Variants in PIK3R3 observed in about 807,000 individuals in gnomAD.
PIK3R3 encodes phosphatidylinositol 3-kinase regulatory subunit gamma.
A neutral mutation model predicts 62.9 loss-of-function variants in PIK3R3; 64 were observed. The ratio of observed to expected loss-of-function variants is 1.02; its 90% CI spans 0.83 to 1.25. The LOEUF (loss-of-function observed/expected upper bound fraction) is 1.25. Ranked by LOEUF, PIK3R3 falls within the 50% of genes most tolerant of loss-of-function variation. The pLI is 0.00. For missense variants in PIK3R3, 614 were observed against 561.6 expected (o/e 1.09, Z -0.94); for synonymous variants, 165 against 189.0 (o/e 0.87, Z 1.04).
intron 5 of PIK3R3, among the ~76,000 whole-genome samples, chr1:46,065,620 A>C (rs966124462): frequency 2.6e-5 from 4 of 152,214 alleles, no homozygotes; most frequent in Admixed American, 2.0e-4. Flanking sequence ...AGTTGTCTTA[A>C]AGATAGAGAA....
chr1:46,120,996 C>T (rs1384613732), intron 1 of PIK3R3, among the ~76,000 whole-genome samples: 2 of 152,106 alleles, frequency 1.3e-5, no homozygotes, highest in Admixed American at 6.6e-5. Flanking sequence ...TGATATGATG[C>T]CTGGAATCAC....
In PIK3R3 at chr1:46,043,818, C is replaced by G; in HGVS notation, c.1241G>C (p.Gly414Ala). The G allele has an allele frequency of 6.2e-7, 1 of 1,614,070 alleles. No homozygotes were observed. The highest frequency in any genetic ancestry group is 8.5e-7 in the Non-Finnish European group (1 of 1,179,934). The stretch of plus-strand genomic sequence containing the variant: ...GTACAGGTTGTAGGGCTCTGCAAAG[C>G]CATAGCCCCGAGCAGTGCTGTAGAT... ...CVIYSTARGYGFAEPYNLYSS... is the reference protein window; with the variant it reads ...CVIYSTARGYAFAEPYNLYSS... The change falls in exon 10 of 10, where the codon GGC (glycine) becomes GCC (alanine). Residue 414 changes from glycine to alanine, a missense_variant. Coordinates refer to ENST00000262741, the MANE Select transcript of PIK3R3 (RefSeq NM_003629.4).
At chr1:46,162,713 C>T in the PIK3R3 span, among the ~76,000 whole-genome samples, 19 of 152,230 alleles carry the variant, frequency 1.2e-4, no homozygotes, top group Non-Finnish European at 2.1e-4. Flanking sequence ...CTTCCACCTC[C>T]GAGGTTCAAG....
At chr1:46,080,894 A>G (rs759003344) in intron 1 of PIK3R3, 144 bp from the exon 2 acceptor site, 3 of 584,266 alleles carry the variant, frequency 5.1e-6, no homozygotes, top group Admixed American at 3.0e-5. Context: ...AAATGTTAGC[A>G]ACAGAAGGAA....
chr1:46,172,533 T>A, the PIK3R3 span, among the ~76,000 whole-genome samples: 1 of 151,928 alleles, frequency 6.6e-6, no homozygotes, highest in Non-Finnish European at 1.5e-5. Context: ...ACAAAAAAAA[T>A]GTTTTAATTA....
intron 7 of PIK3R3, among the ~76,000 whole-genome samples, chr1:46,048,719 C>T (rs1647180939): frequency 6.6e-6 from 1 of 151,720 alleles, no homozygotes. Context: ...TAACACTTTC[C>T]TAATTGAAAA....
chr1:46,115,129 T>A (rs1654071087), intron 1 of PIK3R3, among the ~76,000 whole-genome samples: 1 of 152,080 alleles, frequency 6.6e-6, no homozygotes, highest in Admixed American at 6.6e-5. Context: ...AAGGCAGCCA[T>A]CTTGTACTAC....
At chr1:46,073,786 AT>A (rs35378730) in intron 3 of PIK3R3, among the ~76,000 whole-genome samples, 80,033 of 123,658 alleles carry the variant, frequency 0.65, 25,768 homozygotes, top group Non-Finnish European at 0.7. Flanking sequence ...CATTCAGTTA[AT>A]TTTTTTTTTT....
At chr1:46,144,583 C>T in the PIK3R3 span, among the ~76,000 whole-genome samples, 4 of 152,186 alleles carry the variant, frequency 2.6e-5, no homozygotes, top group Middle Eastern at 6.8e-3. Flanking sequence ...TCCTCGCCAT[C>T]GTGGTGAAAC....
chr1:46,161,132 C>T, the PIK3R3 span, among the ~76,000 whole-genome samples: 1 of 151,974 alleles, frequency 6.6e-6, no homozygotes, highest in African/African-American at 2.4e-5. Context: ...CAGGGTCTCA[C>T]TCTGTCACTC....
intron 1 of PIK3R3, among the ~76,000 whole-genome samples, chr1:46,096,518 T>A (rs905002015): frequency 1.3e-5 from 2 of 152,210 alleles, no homozygotes; most frequent in Admixed American, 1.3e-4. Context: ...TAAGCTAAAT[T>A]AAATTAGAAT....
intron 7 of PIK3R3, among the ~76,000 whole-genome samples, chr1:46,047,677 C>T (rs1484093311): frequency 6.6e-6 from 1 of 152,162 alleles, no homozygotes; most frequent in Non-Finnish European, 1.5e-5. Flanking sequence ...CCTAACTGTC[C>T]CAACTAAGGC....
At chr1:46,082,730 G>T (rs4660910) in intron 1 of PIK3R3, among the ~76,000 whole-genome samples, 69,627 of 151,850 alleles carry the variant, frequency 0.46, 16,088 homozygotes, top group East Asian at 0.62. Context: ...AAGCAATCTT[G>T]GGGGGAAGGA....
At chr1:46,136,926 G>T (rs1483314827), upstream of PIK3R3, among the ~76,000 whole-genome samples, 1 of 152,136 alleles carries the variant, frequency 6.6e-6, no homozygotes. Flanking sequence ...GATCCAAATG[G>T]CAGGAACAAT....
chr1:46,115,876 C>T (rs372039341), intron 1 of PIK3R3, among the ~76,000 whole-genome samples: 2 of 152,032 alleles, frequency 1.3e-5, no homozygotes, highest in Admixed American at 1.3e-4. Context: ...AATAATGACA[C>T]GGGCAAAGGA....
chr1:46,110,704 T>C (rs1162894448), intron 1 of PIK3R3, among the ~76,000 whole-genome samples: 1 of 152,020 alleles, frequency 6.6e-6, no homozygotes, highest in East Asian at 1.9e-4. Flanking sequence ...AGCCATTCAA[T>C]AAATATTTGT....
chr1:46,171,718 TG>T, the PIK3R3 span, among the ~76,000 whole-genome samples: 3 of 151,760 alleles, frequency 2.0e-5, no homozygotes, highest in Non-Finnish European at 4.4e-5. Flanking sequence ...GGGCAGGAGT[TG>T]GGGTCTGGGG....
chr1:46,111,095 C>T (rs532799772), intron 1 of PIK3R3, among the ~76,000 whole-genome samples: 16 of 151,942 alleles, frequency 1.1e-4, no homozygotes, highest in Non-Finnish European at 2.2e-4. Context: ...TACTATATCA[C>T]GAAAACACTG....
In PIK3R3 at chr1:46,081,374, C is replaced by A. The variant is rs537785978; in HGVS notation, c.107-624G>T. On this transcript the variant is annotated intron_variant, in intron 1 of 9. Transcript: ENST00000262741. ...CCCTAACCCCCGGGCTGCGGACTGGCACTGGTCCACGGCCTGTTAGGAAAA... is the reference window on the plus strand; with the variant it reads ...CCCTAACCCCCGGGCTGCGGACTGGAACTGGTCCACGGCCTGTTAGGAAAA... 1.2e-3 allele frequency among the ~76,000 whole-genome samples: 181 copies of A among 152,274 alleles called. 2 individuals are homozygous for A. Among genetic ancestry groups the A allele is most frequent in the Non-Finnish European group, 1.2e-3 (82 of 68,020 alleles).
Sources: allele counts gnomAD v4.1 joint callset (sites outside exome capture counted in the v4.1 genomes callset), GRCh38; gene constraint gnomAD v4.1.1; transcripts MANE v1.5; gene names NCBI Gene and HGNC (gene_info 2026-07-23, HGNC 2026-07-21).